SLC18A2: variants seen among roughly 807,000 people sequenced by gnomAD.
SLC18A2 encodes synaptic vesicular amine transporter.
SLC18A2 carries 33 observed loss-of-function variants against 59.2 expected under a neutral mutation model. The ratio of observed to expected loss-of-function variants is 0.56; its 90% CI spans 0.42 to 0.75. The LOEUF (loss-of-function observed/expected upper bound fraction) is 0.75, where lower values mean the gene tolerates loss of function less well. Among genes scored for constraint, SLC18A2 ranks in the 30% least tolerant of loss-of-function variants. The pLI is 0.00. For missense variants in SLC18A2, 569 were observed against 668.6 expected, an observed-to-expected ratio of 0.85 and a Z score of 1.64; for synonymous variants, 228 against 253.5, an observed-to-expected ratio of 0.90 and a Z score of 0.95.
At position 117,267,943 on chromosome 10, in the gene SLC18A2, G is replaced by A. The variant is rs1589984498; in HGVS notation, c.1186+207G>A. ...CTAGTCATTTATTTCCTGAAAACCAGTATTTTTTAAAAGCTGATATTTACA... is the reference window on the plus strand; with the variant it reads ...CTAGTCATTTATTTCCTGAAAACCAATATTTTTTAAAAGCTGATATTTACA... On this transcript the variant is annotated intron_variant, in intron 13 of 15. Coordinates refer to ENST00000644641, the MANE Select transcript of SLC18A2 (RefSeq NM_003054.6). 2.0e-5 allele frequency: 9 copies of A among 454,784 alleles called. No individual in the cohort carries two copies. In the East Asian group the frequency reaches 2.7e-4, roughly 13 times the overall value. The allele number at this position is 454,784 out of a possible 1,614,324, so 28.2% of individuals were successfully genotyped here. A position where few individuals can be genotyped will look rare whatever the true frequency, so the allele number is the denominator to read the frequency against.
At chr10:117,262,977 G>T (rs1287581779) in intron 10 of SLC18A2, among the ~76,000 whole-genome samples, 1 of 152,168 alleles carries the variant, frequency 6.6e-6, no homozygotes, top group African/African-American at 2.4e-5. Context: ...TGGGCCATCA[G>T]GGGCAGATAG....
rs1219512398 is a variant in SLC18A2 at position 117,269,050 on chromosome 10, C to CT, written c.1187-1021_1187-1020insT. The stretch of plus-strand genomic sequence containing the variant: ...TACACACACACATACACACATACAC[C>CT]CCCCACATAAACACATACACATACA... On this transcript the variant is annotated intron_variant, in intron 13 of 15. Coordinates refer to ENST00000644641, the MANE Select transcript of SLC18A2 (RefSeq NM_003054.6). This position sits in a 1 kb window ranked among gnomAD's most constrained non-coding sequence, Gnocchi z 5.1. Among the ~76,000 whole-genome samples, 6 of 148,032 alleles carry CT rather than the reference C, an allele frequency of 4.1e-5. No homozygotes were observed. The East Asian group carries it at 1.0e-3, about 25-fold the overall frequency.
Position 117,270,390 on chromosome 10 carries a change from T to C in SLC18A2, c.1367T>C (p.Ile456Thr). The C allele has an allele frequency of 2.5e-6, 4 of 1,614,208 alleles. No homozygotes were observed. Among genetic ancestry groups the C allele is most frequent in the Non-Finnish European group, 3.4e-6 (4 of 1,180,032 alleles). ...GGATTTCCATGGCTCATGACAATTATTGGGATAATTGATATTCTTTTTGCC... is the reference window on the plus strand; with the variant it reads ...GGATTTCCATGGCTCATGACAATTACTGGGATAATTGATATTCTTTTTGCC... The part of the protein sequence containing the change: ...AIGFPWLMTI[I>T]GIIDILFAPL... The change falls in exon 15 of 16, where the codon ATT becomes ACT. Residue 456 changes from isoleucine (I) to threonine (T), a missense_variant. By Grantham distance (89) the Ile-to-Thr change is moderately conservative. Coordinates refer to ENST00000644641, the MANE Select transcript of SLC18A2 (RefSeq NM_003054.6).
intron 2 of SLC18A2, among the ~76,000 whole-genome samples, chr10:117,242,293 A>G (rs2133724469): frequency 6.6e-6 from 1 of 152,358 alleles, no homozygotes; most frequent in South Asian, 2.1e-4. Context: ...TGAGATGGAA[A>G]TATTTCAGGA....
At chr10:117,252,537 C>T (rs1212542070) in intron 3 of SLC18A2, among the ~76,000 whole-genome samples, 1 of 152,128 alleles carries the variant, frequency 6.6e-6, no homozygotes, top group Non-Finnish European at 1.5e-5. Flanking sequence ...CTGCCTGTAC[C>T]CTCATGCCCC....
chr10:117,265,439 A>G (rs1415236330), intron 10 of SLC18A2, among the ~76,000 whole-genome samples: 1 of 152,170 alleles, frequency 6.6e-6, no homozygotes, highest in Non-Finnish European at 1.5e-5. Context: ...TCACTTATGC[A>G]GTCCTCTGAT....
chr10:117,264,499 A>G (rs1267329411), intron 10 of SLC18A2, among the ~76,000 whole-genome samples: 1 of 152,204 alleles, frequency 6.6e-6, no homozygotes, highest in Non-Finnish European at 1.5e-5. Flanking sequence ...TCCACCTCAA[A>G]AAACAAACAG....
chr10:117,245,490 C>T (rs574313067), intron 3 of SLC18A2, among the ~76,000 whole-genome samples: 3 of 151,942 alleles, frequency 2.0e-5, no homozygotes, highest in Non-Finnish European at 4.4e-5. Context: ...GAATCAAGCA[C>T]TATTTTAAGC....
chr10:117,274,988 A>G (rs990825117), intron 15 of SLC18A2, among the ~76,000 whole-genome samples: 1 of 152,188 alleles, frequency 6.6e-6, no homozygotes, highest in Non-Finnish European at 1.5e-5. Context: ...TTGTCACATG[A>G]GGACAGGGCC....
At chr10:117,242,349 C>G (rs1024920843) in intron 2 of SLC18A2, among the ~76,000 whole-genome samples, 2 of 151,998 alleles carry the variant, frequency 1.3e-5, no homozygotes, top group East Asian at 3.9e-4. Context: ...ATTATTTTTC[C>G]TATAGTGGAA....
rs363412 is a variant in SLC18A2 at position 117,254,240 on chromosome 10, G to A, written c.607+109G>A. 3.6e-3 allele frequency: 4,440 copies of A among 1,244,042 alleles called. 86 individuals carry two copies. In the African/African-American group the frequency reaches 0.044, roughly 12 times the overall value. 77.1% of individuals were successfully genotyped at this position (1,244,042 alleles called of 1,614,324 possible). ...GTGGTTGGGGTGCTGGGGATTCTTG[G>A]AGAAGGCACCCACTTTCCTCTTGGG... On this transcript the variant is annotated intron_variant, in intron 5 of 15. Transcript: ENST00000644641.
intron 3 of SLC18A2, among the ~76,000 whole-genome samples, chr10:117,246,434 G>T (rs545092030): frequency 1.3e-5 from 2 of 152,158 alleles, no homozygotes; most frequent in Non-Finnish European, 2.9e-5. Flanking sequence ...ATACTCCAAC[G>T]GCTTTGAGGC....
chr10:117,264,164 TAGA>T (rs1425643466), intron 10 of SLC18A2, among the ~76,000 whole-genome samples: 1 of 152,228 alleles, frequency 6.6e-6, no homozygotes, highest in Admixed American at 6.5e-5. Context: ...TACCAAAATG[TAGA>T]AGATCTCCCT....
chr10:117,266,624 G>C (rs1844351697), intron 10 of SLC18A2, 109 bp from the exon 11 acceptor site: 10 of 847,490 alleles, frequency 1.2e-5, no homozygotes, highest in Non-Finnish European at 1.9e-6. Context: ...TGGGCCCCGG[G>C]GCTTCGTTTT....
intron 7 of SLC18A2, 53 bp from the exon 8 acceptor site, chr10:117,255,426 G>A: frequency 6.2e-7 from 1 of 1,614,110 alleles, no homozygotes; most frequent in Non-Finnish European, 8.5e-7. Context: ...CACGCGCTTG[G>A]GCCACACCTG....
intron 15 of SLC18A2, among the ~76,000 whole-genome samples, chr10:117,276,297 A>G (rs1030693262): frequency 6.6e-6 from 1 of 151,852 alleles, no homozygotes; most frequent in African/African-American, 2.4e-5. Context: ...ACAACAAAAG[A>G]TTGTAAGGGC....
intron 3 of SLC18A2, among the ~76,000 whole-genome samples, chr10:117,245,586 T>C (rs1327373166): frequency 1.3e-5 from 2 of 148,730 alleles, no homozygotes; most frequent in Non-Finnish European, 3.0e-5. Flanking sequence ...GCTGCATAAT[T>C]TGTGGGTCTC....
At chr10:117,255,787 A>G in intron 9 of SLC18A2, 130 bp downstream of exon 9, 1 of 758,798 alleles carries the variant, frequency 1.3e-6, no homozygotes, top group Middle Eastern at 3.8e-4. Context: ...AAAAACAGAA[A>G]AGGCAAAGAG....
At position 117,255,634 on chromosome 10, in the gene SLC18A2, A is replaced by AC. The variant is rs761670437; in HGVS notation, c.875dup (p.Tyr293ValfsTer46). 6.2e-7 allele frequency: 1 copy of AC among 1,613,686 alleles called. No individual in the cohort carries two copies. Among genetic ancestry groups the AC allele is most frequent in the East Asian group, 2.2e-5 (1 of 44,846 alleles). On this transcript the variant is annotated frameshift_variant, in exon 9 of 16. Transcript: ENST00000644641. LOFTEE classifies it high-confidence loss of function. ...ACACCCCTAACCACGCTGCTGAAGG[A>AC]CCCGTACATCCTCATTGCTGCAGGT...
Sources: gnomAD v4.1 joint callset for allele counts (sites outside exome capture counted in the v4.1 genomes callset) on GRCh38, gnomAD v4.1.1 for gene constraint, Gnocchi (gnomAD v3.1) non-coding constraint, MANE v1.5 for transcripts, NCBI Gene and HGNC (gene_info 2026-07-23, HGNC 2026-07-21) for gene names.